The following MNAT1 variants were observed in gnomAD, a reference collection of about 807,000 sequenced individuals.
MNAT1 encodes the protein CDK-activating kinase assembly factor MAT1.
MNAT1 carries 43 observed loss-of-function variants against 42.0 expected under a neutral mutation model. The observed-to-expected ratio is 1.02, with a 90% CI of 0.80 to 1.32. The LOEUF is 1.32. MNAT1 is among the 40% of genes most tolerant of loss of function. The probability of loss-of-function intolerance (pLI) is 0.00; values close to 1 mark genes in which losing one functional copy is unlikely to be tolerated. For missense variants in MNAT1, 306 were observed against 350.4 expected (o/e 0.87, Z 1.01); for synonymous variants, 118 against 120.0 (o/e 0.98, Z 0.11).
Position 60,743,885 on chromosome 14 carries a change from A to G in MNAT1, c.89+8934A>G, listed in dbSNP as rs78241014. ...TGCCATTTCTAATCTCATCCAATAG[A>G]TTTTTCATTTCTTATTGTATTGTTT... On this transcript the variant is annotated intron_variant, in intron 1 of 7. Transcript: ENST00000261245. Among the ~76,000 whole-genome samples the G allele has an allele frequency of 1.0e-3, 159 of 151,586 alleles. 3 individuals carry two copies. In the East Asian group the frequency reaches 0.03, roughly 29 times the overall value.
At chr14:60,776,517 A>G (rs565379405) in intron 1 of MNAT1, among the ~76,000 whole-genome samples, 1 of 152,232 alleles carries the variant, frequency 6.6e-6, no homozygotes, top group South Asian at 2.1e-4. Flanking sequence ...GATGATAGGT[A>G]TAGTGGTGAA....
At chr14:60,778,057 A>T (rs768210791) in intron 1 of MNAT1, among the ~76,000 whole-genome samples, 1 of 152,140 alleles carries the variant, frequency 6.6e-6, no homozygotes, top group Non-Finnish European at 1.5e-5. Context: ...GTTTGTTTTG[A>T]TTCTTTTAAG....
At chr14:60,919,340 G>A (rs2035602432) in intron 7 of MNAT1, 1 of 152,806 alleles carries the variant, frequency 6.5e-6, no homozygotes, top group Non-Finnish European at 1.5e-5. Flanking sequence ...TGTTCCACCA[G>A]CTTCTGTGTC....
In MNAT1 at chr14:60,968,342, C is replaced by T. The variant is rs773638207; in HGVS notation, c.923C>T (p.Pro308Leu). Residue 308 changes from proline (P) to leucine (L), a missense_variant, in exon 8 of 8, where the codon CCC (proline) becomes CTC (leucine). By Grantham distance (98) the Pro-to-Leu change is moderately conservative. This residue lies in a region of MNAT1 where 116 missense variants were observed against 139.6 expected (regional missense o/e 0.83). Coordinates refer to ENST00000261245, the MANE Select transcript of MNAT1 (RefSeq NM_002431.4). ...GCATTCAGTGGGCTTTTCTGGCAGC[C>T]CAGTTAACCATTTATAAGATTTGGA... ...QDAFSGLFWQ[P>L]S The T allele has an allele frequency of 6.2e-7, 1 of 1,609,850 alleles. No individual in the cohort carries two copies. The highest frequency in any genetic ancestry group is 8.5e-7 in the Non-Finnish European group (1 of 1,178,930).
chr14:60,779,698 A>G (rs1002297083), intron 1 of MNAT1, among the ~76,000 whole-genome samples: 1 of 152,072 alleles, frequency 6.6e-6, no homozygotes, highest in Non-Finnish European at 1.5e-5. Context: ...AGGCAGGGGA[A>G]TCGCTTGAAC....
intron 7 of MNAT1, among the ~76,000 whole-genome samples, chr14:60,944,587 T>C (rs756468898): frequency 2.0e-5 from 3 of 152,222 alleles, no homozygotes; most frequent in Non-Finnish European, 4.4e-5. Context: ...TATTACCATA[T>C]AGCTTTAGAA....
intron 6 of MNAT1, among the ~76,000 whole-genome samples, chr14:60,876,738 C>T (rs1216629023): frequency 6.6e-6 from 1 of 152,042 alleles, no homozygotes; most frequent in African/African-American, 2.4e-5. Flanking sequence ...TCCATGTTGT[C>T]ATATGTCAAA....
intron 7 of MNAT1, among the ~76,000 whole-genome samples, chr14:60,927,527 A>AT (rs1393892583): frequency 6.6e-6 from 1 of 152,218 alleles, no homozygotes; most frequent in Non-Finnish European, 1.5e-5. Context: ...GGAGCCCTGA[A>AT]TTCACAAGGG....
At chr14:60,897,444 C>T (rs1277378743) in intron 7 of MNAT1, among the ~76,000 whole-genome samples, 1 of 151,808 alleles carries the variant, frequency 6.6e-6, no homozygotes, top group Non-Finnish European at 1.5e-5. Flanking sequence ...TTTCAGAATG[C>T]CTTTCTCAGT....
chr14:60,820,045 T>C (rs986151862), intron 6 of MNAT1, among the ~76,000 whole-genome samples: 2 of 152,176 alleles, frequency 1.3e-5, no homozygotes, highest in Non-Finnish European at 2.9e-5. Context: ...GTTTTAAAAT[T>C]CAAGATGATG....
intron 1 of MNAT1, among the ~76,000 whole-genome samples, chr14:60,761,648 G>T (rs936604765): frequency 6.6e-6 from 1 of 152,058 alleles, no homozygotes; most frequent in Non-Finnish European, 1.5e-5. Context: ...TTCCTTTATT[G>T]CATGTTTCTT....
At chr14:60,882,896 A>G (rs1417196658) in intron 7 of MNAT1, among the ~76,000 whole-genome samples, 2 of 152,074 alleles carry the variant, frequency 1.3e-5, no homozygotes, top group African/African-American at 2.4e-5. Context: ...TGAGAAATGT[A>G]TGTTCAAATC....
At chr14:60,807,320 A>G (rs1256439741) in intron 3 of MNAT1, among the ~76,000 whole-genome samples, 1 of 152,166 alleles carries the variant, frequency 6.6e-6, no homozygotes, top group African/African-American at 2.4e-5. Flanking sequence ...CTATTAAAGG[A>G]AAGAGTGAGA....
chr14:60,844,331 A>G (rs181192971), intron 6 of MNAT1, among the ~76,000 whole-genome samples: 1 of 152,112 alleles, frequency 6.6e-6, no homozygotes, highest in Non-Finnish European at 1.5e-5. Context: ...TTAAGATCTA[A>G]AATACTGAGT....
intron 7 of MNAT1, among the ~76,000 whole-genome samples, chr14:60,917,978 A>G (rs575007007): frequency 1.1e-4 from 17 of 152,090 alleles, no homozygotes; most frequent in East Asian, 3.9e-4. Flanking sequence ...TCAAAATTCA[A>G]TTTGGATTCA....
chr14:60,939,250 T>C (rs2036081299), intron 7 of MNAT1, among the ~76,000 whole-genome samples: 1 of 152,234 alleles, frequency 6.6e-6, no homozygotes, highest in African/African-American at 2.4e-5. Flanking sequence ...TGCTCTGACT[T>C]AGTTATTTCT....
chr14:60,742,048 G>A (rs1896485106), intron 1 of MNAT1, among the ~76,000 whole-genome samples: 3 of 151,356 alleles, frequency 2.0e-5, no homozygotes. Context: ...TTAAAGTATT[G>A]GCCTATTAGC....
At chr14:60,886,228 T>C (rs1211211981) in intron 7 of MNAT1, among the ~76,000 whole-genome samples, 1 of 152,060 alleles carries the variant, frequency 6.6e-6, no homozygotes, top group East Asian at 1.9e-4. Flanking sequence ...TTGTTTTTTG[T>C]GGGTATTTTG....
intron 7 of MNAT1, among the ~76,000 whole-genome samples, chr14:60,917,289 C>G (rs56243570): frequency 0.37 from 35,538 of 95,914 alleles, 4,562 homozygotes; most frequent in Non-Finnish European, 0.44. Flanking sequence ...CAGTTTCTAA[C>G]CCTCATTTTA....
Sources: gnomAD v4.1 joint callset for allele counts (sites outside exome capture counted in the v4.1 genomes callset) on GRCh38, gnomAD v4.1.1 for gene constraint, gnomAD v4.1.1 regional missense constraint, MANE v1.5 for transcripts, NCBI Gene and HGNC (gene_info 2026-07-23, HGNC 2026-07-21) for gene names.